Variants in MTUS2 observed in about 807,000 individuals in gnomAD.
MTUS2 encodes microtubule associated scaffold protein 2.
Under a neutral mutation model 114.1 loss-of-function variants are expected in MTUS2, and 40 were observed. That is an observed-to-expected ratio of 0.35 (90% CI 0.27 to 0.46). The LOEUF is 0.46. Ranked by LOEUF, MTUS2 falls within the 20% of genes least tolerant of loss-of-function variation. MTUS2 has a pLI of 1.00. For missense variants in MTUS2, 1,679 were observed against 1,705.4 expected, an observed-to-expected ratio of 0.98 and a Z score of 0.27; for synonymous variants, 688 against 672.0, an observed-to-expected ratio of 1.02 and a Z score of -0.37.
intron 2 of MTUS2, among the ~76,000 whole-genome samples, chr13:28,930,234 G>A (rs573106457): frequency 1.2e-3 from 188 of 152,328 alleles, no homozygotes; most frequent in African/African-American, 3.8e-3. Flanking sequence ...TCAGAAAAAT[G>A]ATGTTATGTT....
intron 2 of MTUS2, among the ~76,000 whole-genome samples, chr13:28,960,121 A>G (rs1232390910): frequency 6.6e-6 from 1 of 152,228 alleles, no homozygotes; most frequent in African/African-American, 2.4e-5. Flanking sequence ...AATTGCTTCA[A>G]TAACACACAA....
chr13:29,152,085 T>TG (rs1038472347), intron 5 of MTUS2, among the ~76,000 whole-genome samples: 3 of 152,036 alleles, frequency 2.0e-5, no homozygotes, highest in East Asian at 3.9e-4. Flanking sequence ...TGATTTTTTT[T>TG]GGGGGGGAAT....
intron 3 of MTUS2, among the ~76,000 whole-genome samples, chr13:29,030,752 C>A (rs1264247340): frequency 6.6e-6 from 1 of 151,978 alleles, no homozygotes; most frequent in Non-Finnish European, 1.5e-5. Context: ...AAAATGAGAA[C>A]CTCTTAAAAA....
At chr13:29,145,568 C>A (rs981669774) in intron 5 of MTUS2, among the ~76,000 whole-genome samples, 2 of 152,084 alleles carry the variant, frequency 1.3e-5, no homozygotes, top group Non-Finnish European at 2.9e-5. Flanking sequence ...AGACCAAGGC[C>A]ATTTCCAATG....
chr13:29,286,098 G>A (rs77404082), intron 6 of MTUS2, among the ~76,000 whole-genome samples: 4,511 of 152,178 alleles, frequency 0.03, 84 homozygotes, highest in East Asian at 0.06. Context: ...GCAAATTTTT[G>A]TATTTTTAGT....
At chr13:29,331,141 A>C (rs923894461) in intron 7 of MTUS2, among the ~76,000 whole-genome samples, 2 of 152,114 alleles carry the variant, frequency 1.3e-5, no homozygotes, top group Admixed American at 1.3e-4. Context: ...CTCCTTGAAG[A>C]GGTCCTTCAC....
At chr13:28,959,977 C>T (rs903894405) in intron 2 of MTUS2, among the ~76,000 whole-genome samples, 6 of 152,024 alleles carry the variant, frequency 3.9e-5, no homozygotes, top group African/African-American at 1.4e-4. Flanking sequence ...GTCCAGTTTT[C>T]AATAAAGAAG....
chr13:29,292,652 T>C (rs539341949), intron 6 of MTUS2, among the ~76,000 whole-genome samples: 29 of 152,354 alleles, frequency 1.9e-4, no homozygotes, highest in Non-Finnish European at 3.2e-4. Flanking sequence ...TTAAATATAG[T>C]AAGTTTTATT....
At chr13:29,104,486 C>T (rs537199316) in intron 5 of MTUS2, among the ~76,000 whole-genome samples, 2 of 152,354 alleles carry the variant, frequency 1.3e-5, no homozygotes, top group East Asian at 3.9e-4. Context: ...TGTCAGCCAG[C>T]CCCTGCGGGA....
chr13:29,100,299 T>C (rs190149140), intron 4 of MTUS2, among the ~76,000 whole-genome samples: 1 of 152,328 alleles, frequency 6.6e-6, no homozygotes. Flanking sequence ...TGATTCTTTG[T>C]ACATATTTTT....
intron 6 of MTUS2, among the ~76,000 whole-genome samples, chr13:29,304,185 A>G (rs1899333361): frequency 6.6e-6 from 1 of 152,158 alleles, no homozygotes; most frequent in African/African-American, 2.4e-5. Flanking sequence ...ATGAAAACAC[A>G]CTGAAGTACA....
At chr13:29,415,401 ATATT>A (rs1039149024) in intron 8 of MTUS2, among the ~76,000 whole-genome samples, 2 of 152,186 alleles carry the variant, frequency 1.3e-5, no homozygotes, top group Non-Finnish European at 2.9e-5. Flanking sequence ...TGGAGCATAA[ATATT>A]TATAAGTGTT....
chr13:29,475,003 A>G (rs1374305729), intron 9 of MTUS2, among the ~76,000 whole-genome samples: 1 of 152,220 alleles, frequency 6.6e-6, no homozygotes, highest in African/African-American at 2.4e-5. Flanking sequence ...TCTAAAAACA[A>G]AATAAATGAT....
chr13:28,921,333 T>C (rs1052755717), intron 2 of MTUS2, among the ~76,000 whole-genome samples: 14 of 152,214 alleles, frequency 9.2e-5, no homozygotes, highest in Non-Finnish European at 1.8e-4. Flanking sequence ...TAGAAATGTC[T>C]GTTATGAGCT....
At chr13:29,169,552 C>T (rs1023748323) in intron 5 of MTUS2, among the ~76,000 whole-genome samples, 1 of 152,028 alleles carries the variant, frequency 6.6e-6, no homozygotes, top group Non-Finnish European at 1.5e-5. Context: ...ACAGGAGACT[C>T]TTCTGGGGCT....
intron 2 of MTUS2, among the ~76,000 whole-genome samples, chr13:28,849,263 A>G (rs1480263954): frequency 6.6e-6 from 1 of 152,214 alleles, no homozygotes; most frequent in Non-Finnish European, 1.5e-5. Context: ...GCCGGAGTTT[A>G]TGAGAGTTAT....
At position 29,498,548 on chromosome 13, in the gene MTUS2, CTGTT is replaced by C. The variant is rs1882699578; in HGVS notation, c.3798+14_3798+17del. On this transcript the variant is annotated intron_variant, in intron 14 of 15. Coordinates refer to ENST00000612955, the MANE Select transcript of MTUS2 (RefSeq NM_001033602.4). ...GAGCTGGAAAAGCTGGTGAGTTGGT[CTGTT>C]TGCTCGGGAGAGTAACCTCCATGAC... 1.2e-6 allele frequency: 2 copies of C among 1,613,874 alleles called. No individual in the cohort carries two copies. The highest frequency in any genetic ancestry group is 2.7e-5 in the African/African-American group (2 of 75,042).
At chr13:29,434,950 G>T (rs1204473414) in intron 8 of MTUS2, among the ~76,000 whole-genome samples, 1 of 152,196 alleles carries the variant, frequency 6.6e-6, no homozygotes, top group Non-Finnish European at 1.5e-5. Context: ...AGAAGTGTAG[G>T]CTTCACTGTA....
chr13:28,840,739 G>C (rs1024328114), intron 2 of MTUS2, among the ~76,000 whole-genome samples: 2 of 152,106 alleles, frequency 1.3e-5, no homozygotes, highest in Admixed American at 6.5e-5. Context: ...TCTAAGGAAG[G>C]GACACTTTTT....
Sources: gnomAD v4.1 joint callset for allele counts (sites outside exome capture counted in the v4.1 genomes callset) on GRCh38, gnomAD v4.1.1 for gene constraint, MANE v1.5 for transcripts, NCBI Gene and HGNC (gene_info 2026-07-23, HGNC 2026-07-21) for gene names.